The following RGS7 variants were observed in gnomAD, a reference collection of about 807,000 sequenced individuals.
RGS7 encodes regulator of G-protein signaling 7.
Under a neutral mutation model 81.1 loss-of-function variants are expected in RGS7, and 27 were observed. The ratio of observed to expected loss-of-function variants is 0.33; its 90% CI spans 0.25 to 0.46. RGS7 has a LOEUF of 0.46. Among genes scored for constraint, RGS7 ranks in the 20% least tolerant of loss-of-function variants. The pLI, the probability that RGS7 is intolerant of heterozygous loss-of-function variation, is 1.00. For missense variants in RGS7, 396 were observed against 607.4 expected (o/e 0.65, Z 3.66); for synonymous variants, 208 against 207.7 (o/e 1.00, Z -0.01).
chr1:241,161,969 G>A (rs1049767852), intron 2 of RGS7, among the ~76,000 whole-genome samples: 10 of 151,786 alleles, frequency 6.6e-5, no homozygotes, highest in Non-Finnish European at 1.5e-4. Context: ...CACCTGCCTC[G>A]GCCTCCCAAA....
chr1:240,864,735 A>T (rs1466246032), intron 9 of RGS7, among the ~76,000 whole-genome samples: 1 of 152,232 alleles, frequency 6.6e-6, no homozygotes, highest in Non-Finnish European at 1.5e-5. Context: ...TCAAGGTCAG[A>T]CTATTTCATG....
rs116645053 is a variant in RGS7 at position 241,271,059 on chromosome 1, C to T, written c.78+84640G>A. 0.045 allele frequency among the ~76,000 whole-genome samples: 6,835 copies of T among 152,226 alleles called. 395 individuals are homozygous for T. The highest frequency in any genetic ancestry group is 0.14 in the African/African-American group (5,715 of 41,516). On this transcript the variant is annotated intron_variant, in intron 2 of 18. Coordinates refer to ENST00000440928, the MANE Select transcript of RGS7 (RefSeq NM_001364886.1). This position sits in a 1 kb window ranked among gnomAD's most constrained non-coding sequence, Gnocchi z 4.6. The stretch of plus-strand genomic sequence containing the variant: ...GGTCCCATCCCTTTTAATTTCTGCA[C>T]GGGCCCTACTTTAAGTATCGCTGCA...
At chr1:241,302,720 T>C (rs1306099630) in intron 2 of RGS7, among the ~76,000 whole-genome samples, 7 of 152,134 alleles carry the variant, frequency 4.6e-5, no homozygotes, top group Non-Finnish European at 1.0e-4. Flanking sequence ...TATGATTCAG[T>C]CTCAAAATTA....
chr1:240,954,734 G>A (rs390085), intron 4 of RGS7, among the ~76,000 whole-genome samples: 132,270 of 152,120 alleles, frequency 0.87, 57,690 homozygotes, highest in Admixed American at 0.93. Context: ...ACATTGTATT[G>A]GAAACTCTAG....
At chr1:240,906,042 C>T (rs933852358) in intron 6 of RGS7, among the ~76,000 whole-genome samples, 3 of 152,100 alleles carry the variant, frequency 2.0e-5, no homozygotes, top group Admixed American at 6.6e-5. Context: ...GTCCTACCAC[C>T]CATATTGCCA....
Position 241,088,382 on chromosome 1 carries a change from A to G in RGS7, c.175+10284T>C, listed in dbSNP as rs183653827. Among the ~76,000 whole-genome samples, 1,179 of 152,150 alleles carry G rather than the reference A, an allele frequency of 7.7e-3. 22 individuals are homozygous for G. The highest frequency in any genetic ancestry group is 0.028 in the African/African-American group (1,146 of 41,478). On this transcript the variant is annotated intron_variant, in intron 3 of 18. Coordinates refer to ENST00000440928, the MANE Select transcript of RGS7 (RefSeq NM_001364886.1). ...TGGCATACTGATTATTCTGAGGTAA[A>G]GGCAATTGAGAAACAGAAAATGCAT... is the stretch of plus-strand genomic sequence containing the variant.
chr1:240,784,760 T>C (rs1417569351), intron 18 of RGS7, among the ~76,000 whole-genome samples: 1 of 151,990 alleles, frequency 6.6e-6, no homozygotes, highest in African/African-American at 2.4e-5. Flanking sequence ...CTCCCATATG[T>C]TGCTGTAGAC....
At chr1:241,026,688 G>T (rs534738266) in intron 3 of RGS7, among the ~76,000 whole-genome samples, 22 of 152,210 alleles carry the variant, frequency 1.4e-4, no homozygotes, top group Non-Finnish European at 2.5e-4. Flanking sequence ...TGCTCTGGGG[G>T]TACTTACATT....
At chr1:240,955,138 A>G (rs1680156583) in intron 4 of RGS7, among the ~76,000 whole-genome samples, 2 of 152,364 alleles carry the variant, frequency 1.3e-5, no homozygotes, top group South Asian at 4.1e-4. Context: ...AATGTTTTAA[A>G]GATGCCAATT....
At chr1:241,215,801 C>A (rs912384481) in intron 2 of RGS7, among the ~76,000 whole-genome samples, 4 of 152,210 alleles carry the variant, frequency 2.6e-5, no homozygotes, top group Non-Finnish European at 5.9e-5. Flanking sequence ...CTTGAAAATT[C>A]TCTTTCTATT....
chr1:241,211,464 T>A (rs2074239012), intron 2 of RGS7, among the ~76,000 whole-genome samples: 2 of 152,162 alleles, frequency 1.3e-5, no homozygotes, highest in African/African-American at 4.8e-5. Flanking sequence ...TCACCGTAGC[T>A]GGAGTAGTGA....
intron 2 of RGS7, among the ~76,000 whole-genome samples, chr1:241,168,017 G>C (rs992786530): frequency 2.6e-5 from 4 of 152,136 alleles, no homozygotes; most frequent in Non-Finnish European, 4.4e-5. Context: ...TGTTTATTTG[G>C]AATTTCTGTT....
rs538065507 is a variant in RGS7 at position 240,977,695 on chromosome 1, A to C, written c.226+5384T>G. Among the ~76,000 whole-genome samples, 83 of 152,348 alleles carry C rather than the reference A, an allele frequency of 5.4e-4. 1 individual carries two copies. Among genetic ancestry groups the C allele is most frequent in the Middle Eastern group, 3.4e-3 (1 of 294 alleles). On this transcript the variant is annotated intron_variant, in intron 4 of 18. Transcript: ENST00000440928. ...TAAGTAGAGAAGACTCTAGGAGATT[A>C]CTCATAAAACCCTCAATGCCGGAGT...
chr1:241,133,725 A>T (rs143160678), intron 2 of RGS7, among the ~76,000 whole-genome samples: 125 of 152,338 alleles, frequency 8.2e-4, no homozygotes, highest in Middle Eastern at 6.8e-3. Flanking sequence ...TAGTTCCCTG[A>T]TCCTGGTTTC....
At chr1:241,009,158 A>G (rs1290180708) in intron 3 of RGS7, among the ~76,000 whole-genome samples, 1 of 152,156 alleles carries the variant, frequency 6.6e-6, no homozygotes, top group Non-Finnish European at 1.5e-5. Context: ...AGACCTCATG[A>G]CTATCACACA....
chr1:240,979,936 T>C (rs376048861), intron 4 of RGS7, among the ~76,000 whole-genome samples: 1 of 152,100 alleles, frequency 6.6e-6, no homozygotes, highest in African/African-American at 2.4e-5. Flanking sequence ...GTTAGATGAA[T>C]GAAAGTGTGA....
At chr1:241,017,161 C>T (rs183526947) in intron 3 of RGS7, among the ~76,000 whole-genome samples, 22 of 152,196 alleles carry the variant, frequency 1.4e-4, no homozygotes, top group African/African-American at 2.9e-4. Context: ...TCAGTTCACC[C>T]GATACATTGC....
At chr1:240,780,611 T>C (rs1683841400) in intron 18 of RGS7, among the ~76,000 whole-genome samples, 1 of 151,952 alleles carries the variant, frequency 6.6e-6, no homozygotes, top group Non-Finnish European at 1.5e-5. Context: ...GTGATTTGGT[T>C]CAAAATTCTG....
chr1:240,835,237 C>T (rs1003278362), intron 9 of RGS7, among the ~76,000 whole-genome samples: 1 of 151,974 alleles, frequency 6.6e-6, no homozygotes, highest in African/African-American at 2.4e-5. Context: ...CTCTTAAAAC[C>T]CAACAATAAG....
Sources: gnomAD v4.1 joint callset for allele counts (sites outside exome capture counted in the v4.1 genomes callset) on GRCh38, gnomAD v4.1.1 for gene constraint, Gnocchi (gnomAD v3.1) non-coding constraint, MANE v1.5 for transcripts, NCBI Gene and HGNC (gene_info 2026-07-23, HGNC 2026-07-21) for gene names.